The following NRXN3 variants were observed in gnomAD, a reference collection of about 807,000 sequenced individuals.
NRXN3 encodes neurexin III.
Under a neutral mutation model 137.6 loss-of-function variants are expected in NRXN3, and 32 were observed. The ratio of observed to expected loss-of-function variants is 0.23; its 90% CI spans 0.18 to 0.31. The LOEUF (loss-of-function observed/expected upper bound fraction) is 0.31, where lower values mean the gene tolerates loss of function less well. NRXN3 is among the 10% of genes least tolerant of loss of function. The pLI is 1.00. For missense variants in NRXN3, 1,574 were observed against 2,062.5 expected, an observed-to-expected ratio of 0.76 and a Z score of 4.59; for synonymous variants, 798 against 784.5, an observed-to-expected ratio of 1.02 and a Z score of -0.29.
chr14:79,327,327 T>G (rs1310160946), intron 15 of NRXN3, among the ~76,000 whole-genome samples: 1 of 152,140 alleles, frequency 6.6e-6, no homozygotes, highest in African/African-American at 2.4e-5. Context: ...CCCTATAGAT[T>G]CTTGATTCAA....
At chr14:78,204,158 C>T (rs2061963198) in intron 1 of NRXN3, among the ~76,000 whole-genome samples, 1 of 152,072 alleles carries the variant, frequency 6.6e-6, no homozygotes, top group Admixed American at 6.5e-5. Context: ...TGCCATATTA[C>T]CATCCCACCT....
chr14:79,617,916 G>GAAAAAAAAAAA (rs2098175722), intron 16 of NRXN3, among the ~76,000 whole-genome samples: 2 of 64,338 alleles, frequency 3.1e-5, no homozygotes, highest in African/African-American at 5.1e-4. Context: ...CTGAATAGCA[G>GAAAAAAAAAAA]CAAAAAAAAA....
At chr14:78,918,841 GT>G (rs1242335556) in intron 10 of NRXN3, among the ~76,000 whole-genome samples, 1 of 152,136 alleles carries the variant, frequency 6.6e-6, no homozygotes, top group Non-Finnish European at 1.5e-5. Context: ...ATACCATATA[GT>G]TCAGGTGTGT....
intron 16 of NRXN3, among the ~76,000 whole-genome samples, chr14:79,591,351 C>A (rs1273967121): frequency 6.6e-6 from 1 of 152,176 alleles, no homozygotes; most frequent in Non-Finnish European, 1.5e-5. Context: ...CATGGCTCTA[C>A]ATTTTATCCT....
At chr14:78,448,770 G>T (rs1444163519) in intron 4 of NRXN3, among the ~76,000 whole-genome samples, 1 of 152,168 alleles carries the variant, frequency 6.6e-6, no homozygotes, top group Non-Finnish European at 1.5e-5. Context: ...GTGGTTCAGA[G>T]CTTCTCCCCT....
At chr14:79,681,095 T>A (rs1166568205) in intron 17 of NRXN3, among the ~76,000 whole-genome samples, 1 of 152,152 alleles carries the variant, frequency 6.6e-6, no homozygotes, top group Non-Finnish European at 1.5e-5. Flanking sequence ...TCTTTTGGAT[T>A]TGGTAATTCT....
chr14:79,367,799 G>T (rs144253480), intron 15 of NRXN3, among the ~76,000 whole-genome samples: 1,834 of 152,240 alleles, frequency 0.012, 32 homozygotes, highest in African/African-American at 0.042. Flanking sequence ...ATTTAAGAAA[G>T]CTTGTAATGA....
chr14:78,871,928 T>G (rs17108320), intron 10 of NRXN3, among the ~76,000 whole-genome samples: 8,266 of 152,156 alleles, frequency 0.054, 411 homozygotes, highest in East Asian at 0.27. Context: ...TCTTTATGTC[T>G]CTGTTAGATT....
chr14:79,853,933 C>T, intron 20 of NRXN3: 1 of 990,360 alleles, frequency 1.0e-6, no homozygotes, highest in Non-Finnish European at 1.2e-6. Flanking sequence ...AAAATTGATG[C>T]CCTCCCAAAC....
At chr14:78,881,831 C>T (rs1367259041) in intron 10 of NRXN3, among the ~76,000 whole-genome samples, 1 of 151,498 alleles carries the variant, frequency 6.6e-6, no homozygotes, top group Non-Finnish European at 1.5e-5. Context: ...AAGTAATGAA[C>T]CAAATGTTAA....
intron 4 of NRXN3, among the ~76,000 whole-genome samples, chr14:78,481,962 T>C (rs927172720): frequency 3.9e-5 from 6 of 152,206 alleles, no homozygotes; most frequent in Admixed American, 2.6e-4. Flanking sequence ...TTGAGCAAGA[T>C]ATAATATCCA....
At chr14:78,994,129 C>T (rs1398145040) in intron 15 of NRXN3, among the ~76,000 whole-genome samples, 2 of 152,008 alleles carry the variant, frequency 1.3e-5, no homozygotes, top group Non-Finnish European at 2.9e-5. Context: ...GCTGGGATTA[C>T]AGGTGTGAGC....
chr14:78,426,349 T>C (rs952971620), intron 4 of NRXN3, among the ~76,000 whole-genome samples: 1 of 152,158 alleles, frequency 6.6e-6, no homozygotes, highest in African/African-American at 2.4e-5. Flanking sequence ...ACCTTGACAG[T>C]AGGGACTCTG....
chr14:79,302,507 G>T (rs1179598526), intron 15 of NRXN3, among the ~76,000 whole-genome samples: 1 of 151,904 alleles, frequency 6.6e-6, no homozygotes, highest in Non-Finnish European at 1.5e-5. Flanking sequence ...CAGATCTCAT[G>T]GTAACTACAG....
rs779442429 is a variant in NRXN3 at position 78,633,251 on chromosome 14, C to CAAAAAAAAAAAAAAA, written c.758-11866_758-11852dup. ...CCTGGGCTACAGAGCGAGACTCTGT[C>CAAAAAAAAAAAAAAA]AAAAAAAAAAAAAAAAAGAGACTGG... is the stretch of plus-strand genomic sequence containing the variant. On this transcript the variant is annotated intron_variant, in intron 4 of 20. Coordinates refer to ENST00000335750, the MANE Select transcript of NRXN3 (RefSeq NM_001330195.2). Among the ~76,000 whole-genome samples, 276 of 67,970 alleles carry CAAAAAAAAAAAAAAA rather than the reference C, an allele frequency of 4.1e-3. 32 individuals carry two copies. Among genetic ancestry groups the CAAAAAAAAAAAAAAA allele is most frequent in the African/African-American group, 0.014 (202 of 14,018 alleles). 44.6% of individuals were successfully genotyped at this position (67,970 alleles called of 152,430 possible). A position where few individuals can be genotyped will look rare whatever the true frequency, so the allele number is the denominator to read the frequency against.
At chr14:79,848,472 ATTG>A (rs2099385000) in intron 20 of NRXN3, among the ~76,000 whole-genome samples, 1 of 125,558 alleles carries the variant, frequency 8.0e-6, no homozygotes, top group Non-Finnish European at 1.7e-5. Context: ...CTCATAAGCT[ATTG>A]TTAGTGTTAG....
At chr14:78,364,688 T>C (rs1407257619) in intron 4 of NRXN3, among the ~76,000 whole-genome samples, 2 of 152,202 alleles carry the variant, frequency 1.3e-5, no homozygotes, top group African/African-American at 4.8e-5. Context: ...TAGTTGTGCC[T>C]AGGTAAATGG....
chr14:79,248,508 C>T (rs1484768457), intron 15 of NRXN3: 3 of 152,546 alleles, frequency 2.0e-5, no homozygotes, highest in Non-Finnish European at 4.4e-5. Context: ...GCTCCCCCAT[C>T]CCCTGTAGTC....
chr14:78,919,897 G>A (rs1352290617), intron 10 of NRXN3, among the ~76,000 whole-genome samples: 1 of 152,132 alleles, frequency 6.6e-6, no homozygotes, highest in Non-Finnish European at 1.5e-5. Flanking sequence ...ACAGTGCTAA[G>A]CACGTCACAG....
Sources: gnomAD v4.1 joint callset for allele counts (sites outside exome capture counted in the v4.1 genomes callset) on GRCh38, gnomAD v4.1.1 for gene constraint, MANE v1.5 for transcripts, NCBI Gene and HGNC (gene_info 2026-07-23, HGNC 2026-07-21) for gene names.